The following UNC13B variants were observed in gnomAD, a reference collection of about 807,000 sequenced individuals.
UNC13B encodes the protein protein unc-13 homolog B.
A neutral mutation model predicts 211.0 loss-of-function variants in UNC13B; 144 were observed. That is an observed-to-expected ratio of 0.68 (90% confidence interval 0.60 to 0.78). UNC13B has a LOEUF of 0.78. Among genes scored for constraint, UNC13B ranks in the 30% least tolerant of loss-of-function variants. The probability of loss-of-function intolerance (pLI) is 0.00; values close to 1 mark genes in which losing one functional copy is unlikely to be tolerated. For missense variants in UNC13B, 1,777 were observed against 2,002.0 expected (o/e 0.89, Z 2.14); for synonymous variants, 709 against 725.8 (o/e 0.98, Z 0.37).
intron 11 of UNC13B, 28 bp downstream of exon 11, chr9:35,314,017 G>A: frequency 6.3e-7 from 1 of 1,583,370 alleles, no homozygotes; most frequent in Non-Finnish European, 8.7e-7. Flanking sequence ...GTACTGGTTG[G>A]GACAATTTTT....
intron 11 of UNC13B, among the ~76,000 whole-genome samples, chr9:35,346,216 G>C (rs1347820718): frequency 6.6e-6 from 1 of 152,128 alleles, no homozygotes; most frequent in Non-Finnish European, 1.5e-5. Context: ...TCTGTCCTCT[G>C]TTGGGGGCTC....
At chr9:35,385,539 A>G in intron 22 of UNC13B, 185 bp from the exon 23 acceptor site, 4 of 985,398 alleles carry the variant, frequency 4.1e-6, no homozygotes, top group Non-Finnish European at 4.8e-6. Context: ...TGCTTTTGGC[A>G]AGAGCCTGTT....
chr9:35,401,953 C>T, intron 37 of UNC13B: 1 of 1,550,562 alleles, frequency 6.4e-7, no homozygotes, highest in Non-Finnish European at 8.7e-7. Flanking sequence ...TCATTCAGTG[C>T]ATGATGGGAA....
At chr9:35,285,422 A>G (rs1828735180) in intron 7 of UNC13B, among the ~76,000 whole-genome samples, 1 of 152,206 alleles carries the variant, frequency 6.6e-6, no homozygotes, top group Non-Finnish European at 1.5e-5. Context: ...TCAAGTAATT[A>G]TTAAAATTAA....
At chr9:35,397,539 G>A (rs772427328) in intron 29 of UNC13B, 96 bp from the exon 30 acceptor site, 8 of 1,412,914 alleles carry the variant, frequency 5.7e-6, no homozygotes, top group African/African-American at 1.4e-5. Flanking sequence ...CCTCCCTGTT[G>A]TTATTGTTCT....
In UNC13B at chr9:35,259,033, C is replaced by T; in HGVS notation, c.509C>T (p.Thr170Ile). 1.9e-6 allele frequency: 3 copies of T among 1,613,996 alleles called. No individual in the cohort carries two copies. The highest frequency in any genetic ancestry group is 2.5e-6 in the Non-Finnish European group (3 of 1,179,956). The change falls in exon 7 of 40, where the codon ACT becomes ATT. Residue 170 changes from threonine to isoleucine, a missense_variant. Coordinates refer to ENST00000635942, the MANE Select transcript of UNC13B (RefSeq NM_001371189.2). ...GAAAGCCAGAGGAAGCCATTGCCCA[C>T]TGCTGCCGCCCAGTGTTGTAAGTGA... ...QEESQRKPLP[T>I]AAAQCSFEDP...
intron 2 of UNC13B, among the ~76,000 whole-genome samples, chr9:35,228,291 A>T (rs188858525): frequency 1.2e-3 from 187 of 152,318 alleles, no homozygotes; most frequent in Non-Finnish European, 2.2e-3. Context: ...TTTCTCAGAA[A>T]AAAGTCTGAA....
rs775204133 is a variant in UNC13B, at chr9:35,377,473, G to T, written c.9841G>T (p.Ala3281Ser). ...LLNADCLQRA[A>S]EKSCKHGAED... ...GTGTTCCTGGCCACCTTCAGGGGCT[G>T]CAGAAAAGAGCTGTAAACATGGAGC... The change falls in exon 16 of 40, where the codon GCA becomes TCA. Residue 3281 changes from alanine to serine, a missense_variant. By Grantham distance (99) the Ala-to-Ser change is moderately conservative (BLOSUM62 1). Transcript: ENST00000635942. 1 of 1,614,188 alleles carries T rather than the reference G, an allele frequency of 6.2e-7. No individual in the cohort carries two copies. The highest frequency in any genetic ancestry group is 8.5e-7 in the Non-Finnish European group (1 of 1,180,026).
intron 7 of UNC13B, among the ~76,000 whole-genome samples, chr9:35,266,650 A>G (rs1257522490): frequency 2.0e-5 from 3 of 152,252 alleles, no homozygotes; most frequent in African/African-American, 4.8e-5. Flanking sequence ...GAGGCAAACT[A>G]TCTGCTTTTC....
chr9:35,364,552 G>T, intron 11 of UNC13B: 2 of 1,536,030 alleles, frequency 1.3e-6, no homozygotes, highest in Non-Finnish European at 8.7e-7. Context: ...CAGAAGAAAA[G>T]CGAGGAGCCC....
Position 35,397,230 on chromosome 9 carries a change from A to G in UNC13B, c.11596A>G (p.Asn3866Asp). ...CSVVDVFTQLNQSFEIIRKLE... is the reference protein window; with the variant it reads ...CSVVDVFTQLDQSFEIIRKLE... ...TGTGGTGGATGTCTTCACACAACTC[A>G]ATCAGAGCTTTGAGATCATCCGGAA... The change falls in exon 29 of 40, where the codon AAT becomes GAT. Residue 3866 changes from asparagine to aspartate, a missense_variant. By Grantham distance (23) the Asn-to-Asp change is conservative. Transcript: ENST00000635942. 6.2e-7 allele frequency: 1 copy of G among 1,614,102 alleles called. No individual in the cohort carries two copies. Among genetic ancestry groups the G allele is most frequent in the African/African-American group, 1.3e-5 (1 of 75,024 alleles).
intron 11 of UNC13B, among the ~76,000 whole-genome samples, chr9:35,359,643 T>C (rs1267674779): frequency 6.6e-6 from 1 of 152,206 alleles, no homozygotes; most frequent in Non-Finnish European, 1.5e-5. Flanking sequence ...GCCCAATCCA[T>C]AGAGTCATTC....
At chr9:35,342,051 G>T in intron 11 of UNC13B, 1 of 985,470 alleles carries the variant, frequency 1.0e-6, no homozygotes, top group Non-Finnish European at 1.2e-6. Context: ...CTCCTGCCAA[G>T]CCCTTCACTG....
chr9:35,267,736 C>T (rs1282171469), intron 7 of UNC13B, among the ~76,000 whole-genome samples: 1 of 152,088 alleles, frequency 6.6e-6, no homozygotes, highest in East Asian at 1.9e-4. Context: ...TGTGAGTCTC[C>T]AAAGGTTACT....
chr9:35,280,933 T>C (rs1828446644), intron 7 of UNC13B, among the ~76,000 whole-genome samples: 1 of 152,142 alleles, frequency 6.6e-6, no homozygotes, highest in Non-Finnish European at 1.5e-5. Context: ...GTACAGTGTG[T>C]GTTGTATATG....
chr9:35,225,231 G>A (rs1233558589), intron 1 of UNC13B, among the ~76,000 whole-genome samples: 1 of 152,106 alleles, frequency 6.6e-6, no homozygotes, highest in Non-Finnish European at 1.5e-5. Context: ...TGCTATCTCA[G>A]CTCACTTCAA....
intron 1 of UNC13B, among the ~76,000 whole-genome samples, chr9:35,225,070 T>C (rs557741996): frequency 6.6e-6 from 1 of 151,984 alleles, no homozygotes; most frequent in East Asian, 1.9e-4. Flanking sequence ...GACAAACCCA[T>C]AGCTTACATC....
At chr9:35,244,650 T>A (rs1269126431) in intron 6 of UNC13B, among the ~76,000 whole-genome samples, 1 of 152,202 alleles carries the variant, frequency 6.6e-6, no homozygotes, top group Non-Finnish European at 1.5e-5. Flanking sequence ...TCCCTGTGTG[T>A]CTGTCTGTGT....
rs1327962036 is a variant in UNC13B at position 35,306,776 on chromosome 9, C to G, written c.7372C>G (p.Leu2458Val). The G allele has an allele frequency of 1.3e-5, 5 of 398,926 alleles. No individual in the cohort carries two copies. Among genetic ancestry groups the G allele is most frequent in the Non-Finnish European group, 2.2e-5 (5 of 226,072 alleles). The allele number at this position is 398,926 out of a possible 1,614,324, so 24.7% of individuals were successfully genotyped here. A position where few individuals can be genotyped will look rare whatever the true frequency, so the allele number is the denominator to read the frequency against. The stretch of plus-strand genomic sequence containing the variant: ...TGCATTAGGCTCTTCAGTAGACATG[C>G]TTTCAGGGTTTGTGACCAAAGTGAA... Reference protein sequence around the residue: ...KFALGSSVDMLSGFVTKVKSF... With the variant: ...KFALGSSVDMVSGFVTKVKSF... The change falls in exon 9 of 40, where the codon CTT (leucine) becomes GTT (valine). Residue 2458 changes from leucine to valine, a missense_variant. Transcript: ENST00000635942.
Sources: allele counts gnomAD v4.1 joint callset (sites outside exome capture counted in the v4.1 genomes callset), GRCh38; gene constraint gnomAD v4.1.1; transcripts MANE v1.5; gene names NCBI Gene and HGNC (gene_info 2026-07-23, HGNC 2026-07-21).